The following NUP98 variants were observed in gnomAD, a reference collection of about 807,000 sequenced individuals.
The protein encoded by NUP98 is nuclear pore complex protein Nup98-Nup96.
In NUP98, 26 loss-of-function variants were observed where a neutral mutation model predicts 191.9. That is an observed-to-expected ratio of 0.14 (90% confidence interval 0.10 to 0.19). NUP98 has a LOEUF of 0.19. NUP98 is among the 10% of genes least tolerant of loss of function. The pLI is 1.00. For missense variants in NUP98, 1,941 were observed against 2,178.8 expected, an observed-to-expected ratio of 0.89 and a Z score of 2.17; for synonymous variants, 808 against 778.4, an observed-to-expected ratio of 1.04 and a Z score of -0.63.
At chr11:3,796,737 G>T (rs1028756250) in intron 1 of NUP98, among the ~76,000 whole-genome samples, 1 of 152,168 alleles carries the variant, frequency 6.6e-6, no homozygotes, top group Non-Finnish European at 1.5e-5. Flanking sequence ...CTGTTACTCC[G>T]GGCCTCGGTT....
At chr11:3,767,886 C>T (rs1232485645) in intron 8 of NUP98, among the ~76,000 whole-genome samples, 1 of 151,574 alleles carries the variant, frequency 6.6e-6, no homozygotes, top group Non-Finnish European at 1.5e-5. Context: ...CCCTTAGTTC[C>T]TGTTGTTGGC....
intron 13 of NUP98, 60 bp from the exon 14 acceptor site, chr11:3,731,638 T>A: frequency 8.6e-7 from 1 of 1,168,672 alleles, no homozygotes; most frequent in Non-Finnish European, 1.2e-6. Context: ...GCACTGGCCT[T>A]AAAAATCACA....
intron 14 of NUP98, among the ~76,000 whole-genome samples, chr11:3,728,889 C>A (rs1051562813): frequency 5.9e-5 from 9 of 152,120 alleles, no homozygotes; most frequent in African/African-American, 1.9e-4. Context: ...AGGGTAGAAC[C>A]AAGAGGATTT....
chr11:3,714,699 C>G (rs148576818), intron 18 of NUP98: 1 of 163,242 alleles, frequency 6.1e-6, no homozygotes, highest in Non-Finnish European at 1.3e-5. Context: ...CCTCAAGGTT[C>G]ATCCATGTTA....
chr11:3,770,042 C>CAAA lies in NUP98; in HGVS notation c.785-1301_785-1299dup, dbSNP rs35812990. Among the ~76,000 whole-genome samples, 258 of 129,182 alleles carry CAAA rather than the reference C, an allele frequency of 2.0e-3. 1 individual carries two copies. Among genetic ancestry groups the CAAA allele is most frequent in the African/African-American group, 7.0e-3 (246 of 35,310 alleles). 84.7% of individuals were successfully genotyped at this position (129,182 alleles called of 152,430 possible). On this transcript the variant is annotated intron_variant, in intron 7 of 32. Transcript: ENST00000324932. The stretch of plus-strand genomic sequence containing the variant: ...TGGGTGACAGAGCGAAACTCCATCT[C>CAAA]AAAAAAAAAAAAAACAATTAGGGCT...
At position 3,782,158 on chromosome 11, in the gene NUP98, A is replaced by C. The variant is rs1389549665; in HGVS notation, c.-28-13T>G. The C allele has an allele frequency of 2.2e-6, 3 of 1,392,922 alleles. 1 individual carries two copies. In the South Asian group the frequency reaches 3.6e-5, roughly 17 times the overall value. 86.3% of individuals were successfully genotyped at this position (1,392,922 alleles called of 1,614,324 possible). The stretch of plus-strand genomic sequence containing the variant: ...TTGTTTCAGAAAGCTGGGAAAAAGA[A>C]AACATTATCACTCTCTTAAAGACCA... On this transcript the variant is annotated splice_polypyrimidine_tract_variant and intron_variant, in intron 1 of 32. Coordinates refer to ENST00000324932, the MANE Select transcript of NUP98 (RefSeq NM_016320.5).
intron 10 of NUP98, 39 bp from the exon 11 acceptor site, chr11:3,753,447 A>AT: frequency 6.8e-7 from 1 of 1,476,686 alleles, no homozygotes; most frequent in Non-Finnish European, 9.5e-7. Context: ...TACTTTTAAT[A>AT]TAACTCTCAA....
Position 3,699,066 on chromosome 11 carries a change from C to T in NUP98, c.4009+16G>A, listed in dbSNP as rs373165626. 2.9e-4 allele frequency: 474 copies of T among 1,611,514 alleles called. No individual in the cohort carries two copies. Among genetic ancestry groups the T allele is most frequent in the Non-Finnish European group, 3.9e-4 (465 of 1,179,556 alleles). ...AGGCGACAGAGGCGCAGAGAAGGAC[C>T]ATATGCCTTCCCCACCTGACTGCTG... On this transcript the variant is annotated intron_variant, in intron 25 of 32. Coordinates refer to ENST00000324932, the MANE Select transcript of NUP98 (RefSeq NM_016320.5).
At chr11:3,702,364 CTCTCTA>C (rs930398721) in intron 23 of NUP98, 93 bp downstream of exon 23, 12 of 649,894 alleles carry the variant, frequency 1.8e-5, no homozygotes, top group East Asian at 3.2e-5. Flanking sequence ...CTCTCTCTCT[CTCTCTA>C]GAAAGATGAC....
At chr11:3,678,228 A>G (rs542771097) in intron 31 of NUP98, among the ~76,000 whole-genome samples, 4 of 152,238 alleles carry the variant, frequency 2.6e-5, no homozygotes, top group South Asian at 2.1e-4. Flanking sequence ...AAATCTGTCA[A>G]TATGAACTAT....
chr11:3,681,649 A>G (rs1290418143), intron 30 of NUP98, among the ~76,000 whole-genome samples: 1 of 152,142 alleles, frequency 6.6e-6, no homozygotes, highest in Non-Finnish European at 1.5e-5. Context: ...CAGTGGGCTT[A>G]AAGTATTCAG....
intron 1 of NUP98, among the ~76,000 whole-genome samples, chr11:3,788,273 G>T (rs2082210513): frequency 6.6e-6 from 1 of 152,136 alleles, no homozygotes; most frequent in South Asian, 2.1e-4. Context: ...TTAGAGTGAA[G>T]AGTATATTAG....
At chr11:3,698,899 A>T (rs747416966) in intron 25 of NUP98, 183 bp downstream of exon 25, 9 of 680,550 alleles carry the variant, frequency 1.3e-5, no homozygotes, top group Non-Finnish European at 2.2e-5. Context: ...TGTTTACTTG[A>T]TTAAAAGTTA....
chr11:3,688,023 G>A (rs999646924), intron 28 of NUP98, among the ~76,000 whole-genome samples: 1 of 152,214 alleles, frequency 6.6e-6, no homozygotes, highest in Non-Finnish European at 1.5e-5. Flanking sequence ...AGTATGGGAA[G>A]ATGAAAAAGT....
chr11:3,768,759 A>T lies in NUP98; in HGVS notation c.785-15T>A, dbSNP rs770885040. On this transcript the variant is annotated splice_polypyrimidine_tract_variant and intron_variant, in intron 7 of 32. Coordinates refer to ENST00000324932, the MANE Select transcript of NUP98 (RefSeq NM_016320.5). ...TCCAGTTGTACCTTTTAGGAAAAAG[A>T]AAAAAAAAAGAAAAAAGAAATAATA... 1 of 808,754 alleles carries T rather than the reference A, an allele frequency of 1.2e-6. No individual in the cohort carries two copies. The highest frequency in any genetic ancestry group is 1.6e-6 in the Non-Finnish European group (1 of 636,310). 50.1% of individuals were successfully genotyped at this position (808,754 alleles called of 1,614,324 possible). A position where few individuals can be genotyped will look rare whatever the true frequency, so the allele number is the denominator to read the frequency against.
chr11:3,678,463 T>C (rs992256671), intron 31 of NUP98, among the ~76,000 whole-genome samples: 3 of 152,118 alleles, frequency 2.0e-5, no homozygotes, highest in Non-Finnish European at 4.4e-5. Flanking sequence ...GTAACTACAA[T>C]ATGGTCTGAC....
chr11:3,685,882 A>T, intron 29 of NUP98, 91 bp downstream of exon 29: 1 of 954,218 alleles, frequency 1.0e-6, no homozygotes, highest in Non-Finnish European at 1.7e-6. Flanking sequence ...CTACACAATT[A>T]CTTGCTAAAC....
intron 21 of NUP98, among the ~76,000 whole-genome samples, chr11:3,706,148 G>A (rs929318517): frequency 1.3e-5 from 2 of 151,986 alleles, no homozygotes; most frequent in Non-Finnish European, 2.9e-5. Flanking sequence ...CAGCCTGGGC[G>A]ACAGAGCAAA....
intron 4 of NUP98, 88 bp from the exon 5 acceptor site, chr11:3,776,109 T>A: frequency 5.1e-5 from 42 of 831,210 alleles, no homozygotes; most frequent in Non-Finnish European, 7.3e-5. Flanking sequence ...GGCACTAGCA[T>A]CACAGTACTT....
Sources: allele counts gnomAD v4.1 joint callset (sites outside exome capture counted in the v4.1 genomes callset), GRCh38; gene constraint gnomAD v4.1.1; transcripts MANE v1.5; gene names NCBI Gene and HGNC (gene_info 2026-07-23, HGNC 2026-07-21).